The following ZNF638 variants were observed in gnomAD, a reference collection of about 807,000 sequenced individuals.
ZNF638 encodes CTCL tumor antigen se33-1.
In ZNF638, 46 loss-of-function variants were observed where a neutral mutation model predicts 195.6. The observed-to-expected ratio is 0.24, with a 90% CI of 0.19 to 0.30. The LOEUF (loss-of-function observed/expected upper bound fraction) is 0.30. Among genes scored for constraint, ZNF638 ranks in the 10% least tolerant of loss-of-function variants. ZNF638 has a pLI of 1.00. For missense variants in ZNF638, 2,440 were observed against 2,325.3 expected, an observed-to-expected ratio of 1.05 and a Z score of -1.01; for synonymous variants, 845 against 772.0, an observed-to-expected ratio of 1.09 and a Z score of -1.57.
chr2:71,367,511 C>A (rs972246030), intron 6 of ZNF638, among the ~76,000 whole-genome samples: 1 of 149,462 alleles, frequency 6.7e-6, no homozygotes, highest in Non-Finnish European at 1.5e-5. Flanking sequence ...TTGGCTCACA[C>A]AACCTCCGCC....
At chr2:71,428,930 T>C (rs2080597757) in intron 25 of ZNF638, 2 of 250,286 alleles carry the variant, frequency 8.0e-6, no homozygotes, top group Non-Finnish European at 1.5e-5. Flanking sequence ...TAACTAGCTA[T>C]TATTTGTGGA....
chr2:71,431,559 AC>A, intron 26 of ZNF638, 131 bp downstream of exon 26: 1 of 691,622 alleles, frequency 1.4e-6, no homozygotes, highest in Non-Finnish European at 2.5e-6. Flanking sequence ...GGAGATTGAG[AC>A]CATCCTGGCT....
chr2:71,339,371 T>C (rs2078726486), intron 1 of ZNF638, among the ~76,000 whole-genome samples: 1 of 152,154 alleles, frequency 6.6e-6, no homozygotes, highest in Non-Finnish European at 1.5e-5. Context: ...CAGGCTGGTC[T>C]TGAATTCCTG....
chr2:71,424,152 C>T (rs905700728), intron 22 of ZNF638, 114 bp downstream of exon 22: 15 of 1,351,246 alleles, frequency 1.1e-5, no homozygotes, highest in South Asian at 3.2e-5. Flanking sequence ...CTCACTCTAC[C>T]CCGGAAGCTC....
At chr2:71,353,350 A>C (rs899105551) in intron 2 of ZNF638, among the ~76,000 whole-genome samples, 8 of 152,196 alleles carry the variant, frequency 5.3e-5, no homozygotes, top group Non-Finnish European at 1.0e-4. Context: ...TACCGACAAT[A>C]AAAAATTGTT....
At chr2:71,395,391 TAAG>T (rs1201660052) in intron 10 of ZNF638, 20 of 688,524 alleles carry the variant, frequency 2.9e-5, no homozygotes. Flanking sequence ...GGAAAAGTTA[TAAG>T]GAGAGACGCA....
chr2:71,380,374 C>A, intron 9 of ZNF638, 94 bp downstream of exon 9: 1 of 1,110,462 alleles, frequency 9.0e-7, no homozygotes, highest in Non-Finnish European at 1.3e-6. Flanking sequence ...TATATTTTAT[C>A]ACTATAACTA....
rs139768586 is a variant in ZNF638, at chr2:71,364,199, G to C, written c.1664G>C (p.Cys555Ser). 37 of 1,614,210 alleles carry C rather than the reference G, an allele frequency of 2.3e-5. No homozygotes were observed. The African/African-American group carries it at 4.7e-4, about 20-fold the overall frequency. Residue 555 changes from cysteine (C) to serine (S), a missense_variant, in exon 5 of 28, where the codon TGC becomes TCC. Transcript: ENST00000264447. ...AATCCATTTAGAGGTAGTCCAAAAT[G>C]CTTTCGATCAGTTAGCCCTGAGAGG... ...IRNPFRGSPK[C>S]FRSVSPERMS...
chr2:71,399,687 C>CTT (rs749601628), intron 13 of ZNF638, 42 bp downstream of exon 13: 1 of 1,523,382 alleles, frequency 6.6e-7, no homozygotes, highest in Admixed American at 2.0e-5. Flanking sequence ...GTTTTCTTTT[C>CTT]TTTTTTTTAA....
chr2:71,342,547 G>T (rs2078779701), intron 1 of ZNF638, among the ~76,000 whole-genome samples: 1 of 152,270 alleles, frequency 6.6e-6, no homozygotes, highest in Non-Finnish European at 1.5e-5. Flanking sequence ...GGTAACTGTA[G>T]ATTTAAAGTT....
chr2:71,400,089 T>G (rs559178114), intron 13 of ZNF638, 23 bp from the exon 14 acceptor site: 1 of 1,580,754 alleles, frequency 6.3e-7, no homozygotes, highest in African/African-American at 1.4e-5. Flanking sequence ...TACTAGACTA[T>G]TAAAGCAGAC....
intron 2 of ZNF638, among the ~76,000 whole-genome samples, chr2:71,354,596 C>G (rs2078993048): frequency 6.6e-6 from 1 of 151,914 alleles, no homozygotes. Context: ...ATTCACCAGG[C>G]TTGGTGGCAC....
chr2:71,355,714 A>T lies in ZNF638; in HGVS notation c.1318-5A>T, dbSNP rs1230169058. The stretch of plus-strand genomic sequence containing the variant: ...AATTTCAACACTTTTCTCCTTTTAC[A>T]ATAGGATTGGATTCAGCATCAAAAT... On this transcript the variant is annotated splice_polypyrimidine_tract_variant and splice_region_variant and intron_variant, in intron 2 of 27. Transcript: ENST00000264447. 28 of 1,579,454 alleles carry T rather than the reference A, an allele frequency of 1.8e-5. No individual in the cohort carries two copies. The highest frequency in any genetic ancestry group is 2.2e-5 in the Non-Finnish European group (26 of 1,160,226).
intron 5 of ZNF638, among the ~76,000 whole-genome samples, chr2:71,364,617 A>G (rs2079164187): frequency 6.6e-6 from 1 of 152,202 alleles, no homozygotes; most frequent in Non-Finnish European, 1.5e-5. Context: ...ATGCCCACAT[A>G]CACAAACACA....
intron 23 of ZNF638, among the ~76,000 whole-genome samples, chr2:71,425,933 G>A (rs186638930): frequency 6.6e-6 from 1 of 152,080 alleles, no homozygotes; most frequent in Admixed American, 6.5e-5. Context: ...GGGATTACAG[G>A]CATGAGCCAC....
At chr2:71,389,189 G>GC (rs1010683880) in intron 10 of ZNF638, among the ~76,000 whole-genome samples, 1 of 152,032 alleles carries the variant, frequency 6.6e-6, no homozygotes, top group African/African-American at 2.4e-5. Flanking sequence ...TTTTCCCTGA[G>GC]CCCCCTCCCC....
chr2:71,431,427 G>A lies in ZNF638; in HGVS notation c.5751G>A (p.Glu1917=), dbSNP rs760579754. The change falls in exon 26 of 28, where the codon GAG becomes GAA. Residue 1917 remains glutamate (E), a splice_region_variant and synonymous_variant. Coordinates refer to ENST00000264447, the MANE Select transcript of ZNF638 (RefSeq NM_014497.5). ...SGKSVASDVP[E]ELDFLVPKAG... ...AATCAGTGGCGTCTGATGTCCCTGA[G>A]GGTAAAGTTAAAATGACATTTTTTT... 2.2e-5 allele frequency: 35 copies of A among 1,612,498 alleles called. No homozygotes were observed. The East Asian group carries it at 4.9e-4, about 23-fold the overall frequency.
intron 1 of ZNF638, among the ~76,000 whole-genome samples, chr2:71,339,112 T>TG (rs1452975748): frequency 6.6e-6 from 1 of 152,034 alleles, no homozygotes; most frequent in African/African-American, 2.4e-5. Flanking sequence ...TGTAAAGACT[T>TG]CAAGGCTTAA....
At chr2:71,333,044 T>A (rs183858231) in intron 1 of ZNF638, 1 of 152,200 alleles carries the variant, frequency 6.6e-6, no homozygotes, top group African/African-American at 2.4e-5. Context: ...AATTAAAAAT[T>A]GATAACCTGG....
Sources: allele counts gnomAD v4.1 joint callset (sites outside exome capture counted in the v4.1 genomes callset), GRCh38; gene constraint gnomAD v4.1.1; transcripts MANE v1.5; gene names NCBI Gene and HGNC (gene_info 2026-07-23, HGNC 2026-07-21).